The following PCYT1A variants were observed in gnomAD, a reference collection of about 807,000 sequenced individuals.
PCYT1A encodes the protein choline-phosphate cytidylyltransferase A.
Under a neutral mutation model 43.7 loss-of-function variants are expected in PCYT1A, and 25 were observed. The observed-to-expected ratio is 0.57, with a 90% CI of 0.42 to 0.80. The LOEUF (loss-of-function observed/expected upper bound fraction) is 0.80, where lower values mean the gene tolerates loss of function less well. PCYT1A is among the 30% of genes least tolerant of loss of function. The pLI, the probability that PCYT1A is intolerant of heterozygous loss-of-function variation, is 0.00. For missense variants in PCYT1A, 421 were observed against 474.2 expected, an observed-to-expected ratio of 0.89 and a Z score of 1.04; for synonymous variants, 172 against 170.7, an observed-to-expected ratio of 1.01 and a Z score of -0.06.
At chr3:196,274,407 C>CT (rs2108779615) in intron 1 of PCYT1A, among the ~76,000 whole-genome samples, 1 of 152,380 alleles carries the variant, frequency 6.6e-6, no homozygotes, top group Admixed American at 6.5e-5. Flanking sequence ...CAGGCCACCG[C>CT]TGCCATCATT....
At position 196,238,446 on chromosome 3, in the gene PCYT1A, G is replaced by GA. The variant is rs933462770; in HGVS notation, c.*241_*242insT. 82 of 355,562 alleles carry GA rather than the reference G, an allele frequency of 2.3e-4. No individual in the cohort carries two copies. The highest frequency in any genetic ancestry group is 3.2e-4 in the Non-Finnish European group (63 of 199,716). The allele number at this position is 355,562 out of a possible 1,614,324, so 22.0% of individuals were successfully genotyped here. A position where few individuals can be genotyped will look rare whatever the true frequency, so the allele number is the denominator to read the frequency against. ...CATAAACAGTGAAACAAAGCCCTTG[G>GA]GGGGGGGTAAATGGATGCAGAGCAG... On this transcript the variant is annotated 3_prime_UTR_variant, in exon 9 of 9. Coordinates refer to ENST00000431016, the MANE Select transcript of PCYT1A (RefSeq NM_001312673.2).
chr3:196,253,173 C>A (rs914538850), intron 3 of PCYT1A, among the ~76,000 whole-genome samples: 1 of 151,774 alleles, frequency 6.6e-6, no homozygotes, highest in African/African-American at 2.4e-5. Context: ...CCTGTGTCTA[C>A]TAAAAATACA....
intron 1 of PCYT1A, 127 bp downstream of exon 1, chr3:196,287,488 T>C (rs1289320947): frequency 5.2e-5 from 8 of 152,526 alleles, no homozygotes; most frequent in Non-Finnish European, 7.3e-5. Context: ...TCGGTCACAG[T>C]AGCCTCCCAG....
intron 3 of PCYT1A, chr3:196,251,299 G>A (rs575380291): frequency 1.1e-5 from 2 of 176,346 alleles, no homozygotes; most frequent in African/African-American, 4.8e-5. Context: ...TGAGGTTGAG[G>A]ATCAGATACA....
At position 196,238,500 on chromosome 3, in the gene PCYT1A, T is replaced by G; in HGVS notation, c.*188A>C. On this transcript the variant is annotated 3_prime_UTR_variant, in exon 9 of 9. Transcript: ENST00000431016. ...TCTAAGGTGCAGTCCCCCTCCTTCG[T>G]GTGGGTGAGTGATGTCACTTGCAGG... is the stretch of plus-strand genomic sequence containing the variant. The G allele has an allele frequency of 2.4e-6, 1 of 414,814 alleles. No individual in the cohort carries two copies. Among genetic ancestry groups the G allele is most frequent in the Non-Finnish European group, 4.3e-6 (1 of 230,504 alleles). 25.7% of individuals were successfully genotyped at this position (414,814 alleles called of 1,614,324 possible). A position where few individuals can be genotyped will look rare whatever the true frequency, so the allele number is the denominator to read the frequency against.
chr3:196,241,268 G>A (rs1462433028), intron 7 of PCYT1A, among the ~76,000 whole-genome samples: 1 of 151,532 alleles, frequency 6.6e-6, no homozygotes, highest in Non-Finnish European at 1.5e-5. Flanking sequence ...CTGCACTCCA[G>A]CCTCGGTGAC....
intron 1 of PCYT1A, among the ~76,000 whole-genome samples, chr3:196,276,240 T>C (rs1245980302): frequency 1.3e-5 from 2 of 152,216 alleles, no homozygotes; most frequent in Non-Finnish European, 2.9e-5. Context: ...ATTTAATCAT[T>C]CCACATGTAA....
intron 3 of PCYT1A, among the ~76,000 whole-genome samples, chr3:196,254,021 TAGA>T (rs1310883695): frequency 6.7e-6 from 1 of 149,812 alleles, no homozygotes; most frequent in Non-Finnish European, 1.5e-5. Flanking sequence ...GTTATATAGA[TAGA>T]TAGATAGATT....
intron 1 of PCYT1A, among the ~76,000 whole-genome samples, chr3:196,278,280 G>C (rs189930356): frequency 1.7e-3 from 264 of 152,272 alleles, no homozygotes; most frequent in Non-Finnish European, 2.7e-3. Flanking sequence ...CCAACAATGA[G>C]GAACAATATT....
rs770772011 is a variant in PCYT1A, at chr3:196,270,533, T to A, written c.-2A>T. The A allele has an allele frequency of 1.4e-5, 23 of 1,605,928 alleles. No homozygotes were observed. Among genetic ancestry groups the A allele is most frequent in the African/African-American group, 5.4e-5 (4 of 74,756 alleles). ...CTTGGCTGAACACTGTGCATCCATCTTCTTTTAACTGGTCATAGAAAGTGA... is the reference window on the plus strand; with the variant it reads ...CTTGGCTGAACACTGTGCATCCATCATCTTTTAACTGGTCATAGAAAGTGA... On this transcript the variant is annotated 5_prime_UTR_variant, in exon 2 of 9. In the 5' UTR this introduces an upstream ATG that the reference lacks. Coordinates refer to ENST00000431016, the MANE Select transcript of PCYT1A (RefSeq NM_001312673.2).
chr3:196,242,546 A>G lies in PCYT1A; in HGVS notation c.565+16T>C. ...GCCCTGAGATCCCCTACAGTGAGGAAGCACAGCTCACTCACCTGCCTCCTT... is the reference window on the plus strand; with the variant it reads ...GCCCTGAGATCCCCTACAGTGAGGAGGCACAGCTCACTCACCTGCCTCCTT... On this transcript the variant is annotated intron_variant, in intron 6 of 8. Coordinates refer to ENST00000431016, the MANE Select transcript of PCYT1A (RefSeq NM_001312673.2). This position sits in a 1 kb window ranked among gnomAD's most constrained non-coding sequence, Gnocchi z 4.2. The G allele has an allele frequency of 6.4e-7, 1 of 1,559,038 alleles. No individual in the cohort carries two copies. Among genetic ancestry groups the G allele is most frequent in the Non-Finnish European group, 8.9e-7 (1 of 1,129,724 alleles).
At chr3:196,271,185 T>C (rs965519451) in intron 1 of PCYT1A, among the ~76,000 whole-genome samples, 8 of 132,494 alleles carry the variant, frequency 6.0e-5, no homozygotes, top group Non-Finnish European at 4.9e-5. Flanking sequence ...CCACCACACC[T>C]AGTTATTTTT....
Position 196,238,774 on chromosome 3 carries a change from C to G in PCYT1A, c.1018G>C (p.Gly340Arg). Reference protein sequence around the residue: ...PSPSFRWPFSGKTSPPCSPAN... With the variant: ...PSPSFRWPFSRKTSPPCSPAN... Reference sequence around the variant, plus strand: ...GGGGAGCAAGGTGGGGAAGTCTTGCCGGAGAAGGGCCATCGGAAAGAGGGG... The same window carrying G: ...GGGGAGCAAGGTGGGGAAGTCTTGCGGGAGAAGGGCCATCGGAAAGAGGGG... The change falls in exon 9 of 9, where the codon GGC (glycine) becomes CGC (arginine). Residue 340 changes from glycine to arginine, a missense_variant. Gly to Arg is a moderately radical substitution (Grantham distance 125, BLOSUM62 -2). Coordinates refer to ENST00000431016, the MANE Select transcript of PCYT1A (RefSeq NM_001312673.2). The G allele has an allele frequency of 6.3e-7, 1 of 1,588,390 alleles. No individual in the cohort carries two copies. Among genetic ancestry groups the G allele is most frequent in the Non-Finnish European group, 8.6e-7 (1 of 1,168,340 alleles).
In PCYT1A at chr3:196,266,986, C is replaced by G. The variant is rs1725293593; in HGVS notation, c.117+3429G>C. Among the ~76,000 whole-genome samples the G allele has an allele frequency of 2.0e-5, 3 of 151,986 alleles. No homozygotes were observed. The South Asian group carries it at 6.2e-4, about 32-fold the overall frequency. On this transcript the variant is annotated intron_variant, in intron 2 of 8. Transcript: ENST00000431016. ...AGGAGATCGAGACCATCCTGGCTAA[C>G]ATGGTGAAACCCCGTCTCTACCAAA...
chr3:196,280,944 T>G (rs1725753067), intron 1 of PCYT1A, among the ~76,000 whole-genome samples: 1 of 152,190 alleles, frequency 6.6e-6, no homozygotes. Flanking sequence ...CATATGCTAT[T>G]CCACATTTCA....
chr3:196,247,641 A>G lies in PCYT1A; in HGVS notation c.335-123T>C, dbSNP rs765104521. The G allele has an allele frequency of 2.1e-6, 2 of 951,242 alleles. No homozygotes were observed. The highest frequency in any genetic ancestry group is 3.3e-6 in the Non-Finnish European group (2 of 597,480). The allele number at this position is 951,242 out of a possible 1,614,324, so 58.9% of individuals were successfully genotyped here. A position where few individuals can be genotyped will look rare whatever the true frequency, so the allele number is the denominator to read the frequency against. On this transcript the variant is annotated intron_variant, in intron 4 of 8. Transcript: ENST00000431016. This position sits in a 1 kb window ranked among gnomAD's most constrained non-coding sequence, Gnocchi z 4.8. ...CAACCATCTTCCCCAACTGGAAAAA[A>G]GTCTTCTAAAGGTGGTTGAACCTGG... is the stretch of plus-strand genomic sequence containing the variant.
chr3:196,286,106 G>A (rs1219359747), intron 1 of PCYT1A, among the ~76,000 whole-genome samples: 3 of 134,014 alleles, frequency 2.2e-5, no homozygotes, highest in African/African-American at 8.7e-5. Context: ...TCTGTCACCC[G>A]GGCTGGAGTG....
rs1265389102 is a variant in PCYT1A at position 196,236,669 on chromosome 3, TTTTTG to T, written c.*2014_*2018del. On this transcript the variant is annotated 3_prime_UTR_variant, in exon 9 of 9. Coordinates refer to ENST00000431016, the MANE Select transcript of PCYT1A (RefSeq NM_001312673.2). ...TCTTTATTTCTGTATGTGTGTGTGG[TTTTTG>T]TTTTGTTTTGGAGACAGAGTCTCGC... is the stretch of plus-strand genomic sequence containing the variant. The T allele has an allele frequency of 2.6e-5, 4 of 152,086 alleles. No homozygotes were observed. The highest frequency in any genetic ancestry group is 1.9e-4 in the East Asian group (1 of 5,170). The allele number at this position is 152,086 out of a possible 1,614,324, so 9.4% of individuals were successfully genotyped here. A position where few individuals can be genotyped will look rare whatever the true frequency, so the allele number is the denominator to read the frequency against.
intron 2 of PCYT1A, among the ~76,000 whole-genome samples, chr3:196,269,705 G>A (rs535965031): frequency 4.6e-5 from 7 of 152,000 alleles, no homozygotes; most frequent in South Asian, 2.1e-4. Context: ...AGGCATAAAC[G>A]GAAAAAGGTT....
Sources: allele counts gnomAD v4.1 joint callset (sites outside exome capture counted in the v4.1 genomes callset), GRCh38; gene constraint gnomAD v4.1.1; non-coding constraint Gnocchi (gnomAD v3.1); transcripts MANE v1.5; gene names NCBI Gene and HGNC (gene_info 2026-07-23, HGNC 2026-07-21).